The following PLCB1 variants were observed in gnomAD, a reference collection of about 807,000 sequenced individuals.
PLCB1 encodes the protein 1-phosphatidylinositol 4,5-bisphosphate phosphodiesterase beta-1.
In PLCB1, 46 loss-of-function variants were observed where a neutral mutation model predicts 161.8. That is an observed-to-expected ratio of 0.28 (90% CI 0.22 to 0.36). The LOEUF (loss-of-function observed/expected upper bound fraction) is 0.36, where lower values mean the gene tolerates loss of function less well. PLCB1 is among the 10% of genes least tolerant of loss of function. The pLI is 1.00. For missense variants in PLCB1, 1,016 were observed against 1,472.5 expected (o/e 0.69, Z 5.07); for synonymous variants, 517 against 503.7 (o/e 1.03, Z -0.35).
chr20:8,836,819 G>A (rs955102051), intron 31 of PLCB1, among the ~76,000 whole-genome samples: 1 of 152,096 alleles, frequency 6.6e-6, no homozygotes, highest in Non-Finnish European at 1.5e-5. Context: ...TGAATTCCCA[G>A]GTCAAATGCT....
At chr20:8,400,749 G>A (rs1416450894) in intron 3 of PLCB1, among the ~76,000 whole-genome samples, 1 of 152,110 alleles carries the variant, frequency 6.6e-6, no homozygotes, top group African/African-American at 2.4e-5. Context: ...TCATTTTATA[G>A]ATGTGCCATA....
chr20:8,541,436 T>C (rs781777800), intron 3 of PLCB1, among the ~76,000 whole-genome samples: 35 of 152,156 alleles, frequency 2.3e-4, no homozygotes, highest in Admixed American at 6.5e-5. Flanking sequence ...TCCATTCTCC[T>C]TCTGGGCACA....
At chr20:8,193,805 C>T (rs2051995409) in intron 2 of PLCB1, among the ~76,000 whole-genome samples, 1 of 151,536 alleles carries the variant, frequency 6.6e-6, no homozygotes, top group South Asian at 2.1e-4. Context: ...TTAATGTTTC[C>T]AGCTTCTCTT....
At chr20:8,640,639 G>T (rs1178900785) in intron 4 of PLCB1, among the ~76,000 whole-genome samples, 1 of 152,166 alleles carries the variant, frequency 6.6e-6, no homozygotes, top group East Asian at 1.9e-4. Flanking sequence ...AACTTTGGGG[G>T]TTCTGTATAT....
intron 2 of PLCB1, among the ~76,000 whole-genome samples, chr20:8,244,394 T>C (rs1481009969): frequency 6.6e-6 from 1 of 151,922 alleles, no homozygotes. Context: ...TAGAATACTG[T>C]TCAGCAATAA....
At chr20:8,532,987 A>G (rs1450800306) in intron 3 of PLCB1, among the ~76,000 whole-genome samples, 6 of 151,182 alleles carry the variant, frequency 4.0e-5, no homozygotes, top group African/African-American at 7.3e-5. Context: ...AGCATTAGGT[A>G]TATCTCCTAA....
intron 10 of PLCB1, among the ~76,000 whole-genome samples, chr20:8,693,979 C>A (rs1990533987): frequency 6.6e-6 from 1 of 152,134 alleles, no homozygotes; most frequent in Non-Finnish European, 1.5e-5. Context: ...ATGTCAAATA[C>A]TAGTTTCAGA....
At chr20:8,830,551 G>C (rs1055758532) in intron 31 of PLCB1, among the ~76,000 whole-genome samples, 1 of 152,136 alleles carries the variant, frequency 6.6e-6, no homozygotes, top group Non-Finnish European at 1.5e-5. Context: ...TACACATTTG[G>C]TAGAAAAAGA....
At chr20:8,798,536 G>A (rs1252192910) in intron 31 of PLCB1, among the ~76,000 whole-genome samples, 2 of 151,408 alleles carry the variant, frequency 1.3e-5, no homozygotes, top group Non-Finnish European at 2.9e-5. Flanking sequence ...ACCAGCAGAA[G>A]CTGAGCCTCT....
chr20:8,869,349 T>C (rs1463158806), intron 31 of PLCB1, among the ~76,000 whole-genome samples: 1 of 152,182 alleles, frequency 6.6e-6, no homozygotes, highest in Non-Finnish European at 1.5e-5. Flanking sequence ...AATAGAAAAC[T>C]TCTAGGCCTT....
intron 29 of PLCB1, among the ~76,000 whole-genome samples, chr20:8,789,064 T>C (rs1358964118): frequency 2.0e-5 from 3 of 152,196 alleles, no homozygotes; most frequent in Non-Finnish European, 4.4e-5. Flanking sequence ...GTCCAAAGGC[T>C]GGCAGATTAT....
chr20:8,298,861 G>C (rs937666180), intron 2 of PLCB1, among the ~76,000 whole-genome samples: 1 of 152,040 alleles, frequency 6.6e-6, no homozygotes, highest in Non-Finnish European at 1.5e-5. Flanking sequence ...CAGATGTGTG[G>C]GGCATGTGTT....
At chr20:8,428,377 C>T (rs1979883494) in intron 3 of PLCB1, among the ~76,000 whole-genome samples, 1 of 152,120 alleles carries the variant, frequency 6.6e-6, no homozygotes, top group Non-Finnish European at 1.5e-5. Flanking sequence ...TGTGCCACCA[C>T]ACTCAGCTAA....
intron 3 of PLCB1, among the ~76,000 whole-genome samples, chr20:8,583,625 AG>A (rs1986900133): frequency 8.5e-5 from 13 of 152,128 alleles, no homozygotes; most frequent in Admixed American, 7.9e-4. Context: ...TTGATTCCTG[AG>A]CTTACTGGAA....
chr20:8,594,019 A>G (rs1469715850), intron 3 of PLCB1, among the ~76,000 whole-genome samples: 25 of 152,184 alleles, frequency 1.6e-4, no homozygotes, highest in Non-Finnish European at 1.5e-5. Context: ...TAAGTAGCTG[A>G]GAGTAGAGCT....
At chr20:8,560,938 T>A (rs1986121348) in intron 3 of PLCB1, among the ~76,000 whole-genome samples, 1 of 151,962 alleles carries the variant, frequency 6.6e-6, no homozygotes, top group South Asian at 2.1e-4. Context: ...ATAACAAGAA[T>A]AAACTTGATC....
At chr20:8,402,594 G>T (rs922666059) in intron 3 of PLCB1, among the ~76,000 whole-genome samples, 72 of 151,960 alleles carry the variant, frequency 4.7e-4, no homozygotes, top group African/African-American at 1.7e-3. Context: ...CAGCACTTTG[G>T]GAGGCCGAGG....
At chr20:8,168,149 T>C (rs1335204194) in intron 2 of PLCB1, among the ~76,000 whole-genome samples, 2 of 152,200 alleles carry the variant, frequency 1.3e-5, no homozygotes, top group African/African-American at 4.8e-5. Context: ...TGCCACATTT[T>C]CTATGCCAAA....
At chr20:8,448,415 A>G (rs1057138542) in intron 3 of PLCB1, among the ~76,000 whole-genome samples, 1 of 152,168 alleles carries the variant, frequency 6.6e-6, no homozygotes, top group African/African-American at 2.4e-5. Flanking sequence ...GAGCCTTTGT[A>G]TGGCAAAATT....
Sources: gnomAD v4.1 joint callset for allele counts (sites outside exome capture counted in the v4.1 genomes callset) on GRCh38, gnomAD v4.1.1 for gene constraint, MANE v1.5 for transcripts, NCBI Gene and HGNC (gene_info 2026-07-23, HGNC 2026-07-21) for gene names.